ADGRV1: variants seen among roughly 807,000 people sequenced by gnomAD.
ADGRV1 encodes adhesion G protein-coupled receptor V1, also known as G-protein coupled receptor 98.
A neutral mutation model predicts 596.2 loss-of-function variants in ADGRV1; 359 were observed. That is an observed-to-expected ratio of 0.60 (90% confidence interval 0.55 to 0.66). ADGRV1 has a LOEUF of 0.66. ADGRV1 is among the 30% of genes least tolerant of loss of function. ADGRV1 has a pLI of 0.00. For synonymous variants in ADGRV1, 2,681 were observed against 2,679.2 expected (o/e 1.00, Z -0.02); for missense variants, 7,274 against 7,575.6 (o/e 0.96, Z 1.48).
At position 90,746,266 on chromosome 5, in the gene ADGRV1, G is replaced by A. The variant is rs371805262; in HGVS notation, c.10974+471G>A. Among the ~76,000 whole-genome samples, 45 of 151,192 alleles carry A rather than the reference G, an allele frequency of 3.0e-4. No individual in the cohort carries two copies. In the East Asian group the frequency reaches 8.6e-3, roughly 29 times the overall value. On this transcript the variant is annotated intron_variant, in intron 52 of 89. Transcript: ENST00000405460. ...GGGGGGAGGGTGGAGGAGAGAGAGAGGGTTGTAATTATATGTATGTTGGAC... is the reference window on the plus strand; with the variant it reads ...GGGGGGAGGGTGGAGGAGAGAGAGAAGGTTGTAATTATATGTATGTTGGAC...
At chr5:90,762,106 T>C (rs1308875603) in intron 58 of ADGRV1, among the ~76,000 whole-genome samples, 1 of 152,186 alleles carries the variant, frequency 6.6e-6, no homozygotes, top group Non-Finnish European at 1.5e-5. Context: ...GCCCTGAGAA[T>C]AGCAGAGACC....
intron 83 of ADGRV1, among the ~76,000 whole-genome samples, chr5:90,955,724 G>A (rs1777418902): frequency 6.6e-6 from 1 of 152,110 alleles, no homozygotes; most frequent in African/African-American, 2.4e-5. Flanking sequence ...TTTGATGTTG[G>A]CTTCTCTGTC....
intron 83 of ADGRV1, among the ~76,000 whole-genome samples, chr5:90,955,549 A>G (rs1777402113): frequency 1.3e-5 from 2 of 152,190 alleles, no homozygotes; most frequent in Admixed American, 6.5e-5. Flanking sequence ...ATATTTGTTG[A>G]TGGAATGAAT....
At chr5:90,976,145 C>G (rs937961837) in intron 84 of ADGRV1, among the ~76,000 whole-genome samples, 13 of 150,546 alleles carry the variant, frequency 8.6e-5, no homozygotes, top group Non-Finnish European at 1.8e-4. Context: ...ATCTCTCCAT[C>G]AATATTCCAT....
chr5:90,921,509 A>G (rs1004249884), intron 83 of ADGRV1, among the ~76,000 whole-genome samples: 2 of 152,212 alleles, frequency 1.3e-5, no homozygotes, highest in Non-Finnish European at 2.9e-5. Flanking sequence ...CCCACAAGTA[A>G]CATAAACTTC....
intron 3 of ADGRV1, among the ~76,000 whole-genome samples, 199 bp downstream of exon 3, chr5:90,618,152 G>T (rs558178007): frequency 1.3e-5 from 2 of 152,272 alleles, no homozygotes; most frequent in South Asian, 4.1e-4. Flanking sequence ...CAGAAACTCT[G>T]CAGGTAGTTT....
At chr5:90,676,002 A>G (rs1773210638) in intron 24 of ADGRV1, 78 bp from the exon 25 acceptor site, 2 of 1,184,144 alleles carry the variant, frequency 1.7e-6, no homozygotes, top group Non-Finnish European at 2.3e-6. Flanking sequence ...TGATTTTACA[A>G]ATTTGTGTAC....
chr5:91,149,656 A>T (rs956959937), intron 87 of ADGRV1, among the ~76,000 whole-genome samples: 1 of 151,132 alleles, frequency 6.6e-6, no homozygotes, highest in African/African-American at 2.4e-5. Context: ...ACATGATGAA[A>T]CCCCCGTCTC....
At position 90,572,747 on chromosome 5, in the gene ADGRV1, T is replaced by G. The variant is rs547724082; in HGVS notation, c.22+13830T>G. Among the ~76,000 whole-genome samples the G allele has an allele frequency of 2.0e-5, 3 of 152,218 alleles. No homozygotes were observed. The South Asian group carries it at 6.2e-4, about 32-fold the overall frequency. ...TTTCAAAGGAAAAAAGTTGAGACCG[T>G]AGGATACGTGTTTTGGGACTAGCCT... is the stretch of plus-strand genomic sequence containing the variant. On this transcript the variant is annotated intron_variant, in intron 1 of 89. Coordinates refer to ENST00000405460, the MANE Select transcript of ADGRV1 (RefSeq NM_032119.4).
chr5:90,563,072 G>T (rs1755068770), intron 1 of ADGRV1, among the ~76,000 whole-genome samples: 1 of 152,174 alleles, frequency 6.6e-6, no homozygotes, highest in African/African-American at 2.4e-5. Context: ...TGAGGTGCTG[G>T]TAGGGGCCAA....
intron 86 of ADGRV1, among the ~76,000 whole-genome samples, chr5:91,077,006 C>A (rs560473433): frequency 2.0e-5 from 3 of 152,264 alleles, no homozygotes; most frequent in Admixed American, 2.0e-4. Context: ...TACTCTACCA[C>A]GGAGCACTTG....
intron 21 of ADGRV1, among the ~76,000 whole-genome samples, chr5:90,671,239 CCT>C (rs1179693578): frequency 6.6e-6 from 1 of 152,118 alleles, no homozygotes; most frequent in African/African-American, 2.4e-5. Flanking sequence ...GAGACTGACC[CCT>C]GTCTCTGCTA....
chr5:90,797,180 T>G (rs1219282557), intron 70 of ADGRV1, among the ~76,000 whole-genome samples: 2 of 150,850 alleles, frequency 1.3e-5, no homozygotes, highest in Non-Finnish European at 2.9e-5. Flanking sequence ...GACTGCCAAA[T>G]TGGATAAAGA....
chr5:90,985,474 TCTATCATCAGAG>T lies in ADGRV1; in HGVS notation c.18106_18117del (p.Tyr6036_Ser6039del), dbSNP rs1418387655. 3 of 1,613,872 alleles carry T rather than the reference TCTATCATCAGAG, an allele frequency of 1.9e-6. No individual in the cohort carries two copies. Among genetic ancestry groups the T allele is most frequent in the Non-Finnish European group, 1.7e-6 (2 of 1,179,788 alleles). ...CTCCTCATAGTTATTTTGAAAGGAA[TCTATCATCAGAG>T]CATGTCACAGATCTATGGACTCATT... is the stretch of plus-strand genomic sequence containing the variant. On this transcript the variant is annotated inframe_deletion, in exon 85 of 90. Coordinates refer to ENST00000405460, the MANE Select transcript of ADGRV1 (RefSeq NM_032119.4).
intron 21 of ADGRV1, among the ~76,000 whole-genome samples, chr5:90,670,831 AT>A (rs1348883306): frequency 1.3e-5 from 2 of 152,220 alleles, no homozygotes; most frequent in African/African-American, 2.4e-5. Flanking sequence ...ATTCATTCTT[AT>A]TGGAATTAAT....
intron 83 of ADGRV1, among the ~76,000 whole-genome samples, chr5:90,950,921 AAC>A (rs869209623): frequency 7.0e-6 from 1 of 142,398 alleles, no homozygotes; most frequent in Non-Finnish European, 1.6e-5. Flanking sequence ...TAATTAAAAA[AAC>A]AATGATGAAT....
chr5:90,888,261 C>T (rs1770487296), intron 83 of ADGRV1, among the ~76,000 whole-genome samples: 1 of 152,090 alleles, frequency 6.6e-6, no homozygotes, highest in South Asian at 2.1e-4. Flanking sequence ...AACTGACTAC[C>T]ATATAACTCT....
intron 83 of ADGRV1, among the ~76,000 whole-genome samples, chr5:90,916,631 A>AT (rs11407284): frequency 0.5 from 61,737 of 123,374 alleles, 17,150 homozygotes; most frequent in Admixed American, 0.59. Context: ...GCGTTCACAA[A>AT]TTTTTTTTTT....
At chr5:91,049,865 G>A (rs554801154) in intron 85 of ADGRV1, among the ~76,000 whole-genome samples, 1 of 152,282 alleles carries the variant, frequency 6.6e-6, no homozygotes, top group African/African-American at 2.4e-5. Context: ...TTAGATTTTG[G>A]TATCTGCAGG....
Sources: gnomAD v4.1 joint callset for allele counts (sites outside exome capture counted in the v4.1 genomes callset) on GRCh38, gnomAD v4.1.1 for gene constraint, MANE v1.5 for transcripts, NCBI Gene and HGNC (gene_info 2026-07-23, HGNC 2026-07-21) for gene names.